Variants in SENP7 observed in about 807,000 individuals in gnomAD.
SENP7 encodes SUMO specific peptidase 7, also known as sentrin-specific protease 7.
Under a neutral mutation model 141.2 loss-of-function variants are expected in SENP7, and 64 were observed. That is an observed-to-expected ratio of 0.45 (90% CI 0.37 to 0.56). The LOEUF (loss-of-function observed/expected upper bound fraction) is 0.56. Ranked by LOEUF, SENP7 falls within the 20% of genes least tolerant of loss-of-function variation. SENP7 has a pLI of 0.00. For missense variants in SENP7, 1,025 were observed against 1,212.2 expected, an observed-to-expected ratio of 0.85 and a Z score of 2.29; for synonymous variants, 382 against 426.4, an observed-to-expected ratio of 0.90 and a Z score of 1.28.
At chr3:101,464,530 T>C (rs1368703166) in intron 3 of SENP7, among the ~76,000 whole-genome samples, 4 of 152,062 alleles carry the variant, frequency 2.6e-5, no homozygotes, top group African/African-American at 9.7e-5. Context: ...GTGATACTGG[T>C]TGCATGCTCC....
intron 5 of SENP7, chr3:101,414,099 G>A (rs548951320): frequency 2.9e-4 from 100 of 347,620 alleles, no homozygotes; most frequent in African/African-American, 1.9e-3. Context: ...AAGGCACGAA[G>A]TTATTAGGGC....
At chr3:101,334,216 T>C (rs1216567257) in intron 17 of SENP7, among the ~76,000 whole-genome samples, 2 of 152,186 alleles carry the variant, frequency 1.3e-5, no homozygotes, top group African/African-American at 4.8e-5. Flanking sequence ...ACAGCCACCT[T>C]GAACAGGGTT....
intron 6 of SENP7, among the ~76,000 whole-genome samples, chr3:101,381,001 T>C (rs1336846110): frequency 1.3e-5 from 2 of 152,106 alleles, no homozygotes; most frequent in African/African-American, 4.8e-5. Flanking sequence ...GCAAAAAAAA[T>C]GCATGCCATG....
At chr3:101,338,558 A>G (rs1466381728) in intron 16 of SENP7, among the ~76,000 whole-genome samples, 3 of 152,206 alleles carry the variant, frequency 2.0e-5, no homozygotes, top group African/African-American at 7.2e-5. Context: ...TGGAGTAGCT[A>G]GAGTTTGCAG....
rs1181655699 is a variant in SENP7, at chr3:101,386,746, A to G, written c.677+12115T>C. On this transcript the variant is annotated intron_variant, in intron 6 of 23. Coordinates refer to ENST00000394095, the MANE Select transcript of SENP7 (RefSeq NM_020654.5). ...AAAAGGAGTCAAAGCATGTTCTCCC[A>G]AAGTCTGAGAGGTGCCTGCCTAGGC... Among the ~76,000 whole-genome samples the G allele has an allele frequency of 2.0e-5, 3 of 152,328 alleles. No homozygotes were observed. The South Asian group carries it at 6.2e-4, about 32-fold the overall frequency.
intron 5 of SENP7, chr3:101,414,664 G>A: frequency 3.9e-6 from 5 of 1,285,800 alleles, no homozygotes; most frequent in Non-Finnish European, 5.5e-6. Context: ...GGGGGCTGAG[G>A]GCAAGAATAT....
intron 1 of SENP7, among the ~76,000 whole-genome samples, chr3:101,502,848 T>A (rs1287839572): frequency 2.6e-5 from 4 of 151,392 alleles, no homozygotes; most frequent in Non-Finnish European, 4.4e-5. Context: ...CCTGGGAGGT[T>A]ACAGCTGCAG....
intron 4 of SENP7, among the ~76,000 whole-genome samples, chr3:101,450,672 A>G (rs1242732832): frequency 3.9e-5 from 6 of 152,252 alleles, no homozygotes; most frequent in African/African-American, 1.4e-4. Flanking sequence ...CAACGAGGAC[A>G]AAGACACAAC....
chr3:101,335,952 G>A (rs1348494328), intron 17 of SENP7, among the ~76,000 whole-genome samples: 5 of 152,160 alleles, frequency 3.3e-5, no homozygotes, highest in Admixed American at 1.3e-4. Flanking sequence ...CACTCAAAAT[G>A]GAGTTAATCA....
chr3:101,412,969 GTCTTT>G (rs1016891004), intron 5 of SENP7, among the ~76,000 whole-genome samples: 3 of 152,118 alleles, frequency 2.0e-5, no homozygotes, highest in African/African-American at 4.8e-5. Context: ...GATTTGAACT[GTCTTT>G]TCTATTTTTC....
intron 1 of SENP7, among the ~76,000 whole-genome samples, chr3:101,512,225 G>C (rs886450571): frequency 6.6e-5 from 10 of 152,170 alleles, no homozygotes; most frequent in African/African-American, 2.4e-4. Flanking sequence ...TTGTGTACTG[G>C]ACTGTAAGCA....
At chr3:101,388,907 G>T (rs1197933003) in intron 6 of SENP7, among the ~76,000 whole-genome samples, 1 of 151,504 alleles carries the variant, frequency 6.6e-6, no homozygotes, top group African/African-American at 2.4e-5. Context: ...AAGAATTTCT[G>T]AACTTGAAGA....
At chr3:101,392,546 A>G (rs1343823183) in intron 6 of SENP7, among the ~76,000 whole-genome samples, 1 of 152,238 alleles carries the variant, frequency 6.6e-6, no homozygotes, top group Non-Finnish European at 1.5e-5. Context: ...TAAAGAGGAC[A>G]TAAACAAATG....
At chr3:101,355,911 T>C (rs996023258) in intron 11 of SENP7, among the ~76,000 whole-genome samples, 1 of 152,132 alleles carries the variant, frequency 6.6e-6, no homozygotes, top group African/African-American at 2.4e-5. Context: ...GTTTTCATTG[T>C]AGAGATCTTT....
At chr3:101,429,882 G>A (rs1163598998) in intron 4 of SENP7, among the ~76,000 whole-genome samples, 4 of 146,064 alleles carry the variant, frequency 2.7e-5, no homozygotes, top group African/African-American at 7.5e-5. Flanking sequence ...CTAGTTTACT[G>A]AGAGTTTTTA....
chr3:101,469,473 C>G (rs2063892850), intron 3 of SENP7, among the ~76,000 whole-genome samples: 2 of 151,126 alleles, frequency 1.3e-5, no homozygotes, highest in Non-Finnish European at 2.9e-5. Context: ...CCACATCACA[C>G]TTATTCTAAA....
intron 5 of SENP7, among the ~76,000 whole-genome samples, chr3:101,416,963 T>A (rs1234721209): frequency 6.6e-6 from 1 of 152,162 alleles, no homozygotes; most frequent in Non-Finnish European, 1.5e-5. Context: ...AAAGATATTA[T>A]GTTATAGATT....
intron 3 of SENP7, among the ~76,000 whole-genome samples, chr3:101,492,403 T>A (rs2065003045): frequency 6.6e-6 from 1 of 151,864 alleles, no homozygotes; most frequent in South Asian, 2.1e-4. Flanking sequence ...TAAATAAGGG[T>A]TAATTTTACT....
At chr3:101,462,884 A>G (rs2063595403) in intron 3 of SENP7, among the ~76,000 whole-genome samples, 1 of 152,038 alleles carries the variant, frequency 6.6e-6, no homozygotes, top group Non-Finnish European at 1.5e-5. Flanking sequence ...AAAAGAAGAA[A>G]CCACTAAGAA....
Sources: allele counts gnomAD v4.1 joint callset (sites outside exome capture counted in the v4.1 genomes callset), GRCh38; gene constraint gnomAD v4.1.1; transcripts MANE v1.5; gene names NCBI Gene and HGNC (gene_info 2026-07-23, HGNC 2026-07-21).